The following RANBP2 variants were observed in gnomAD, a reference collection of about 807,000 sequenced individuals.
RANBP2 encodes the protein RAN binding protein 2, also known as E3 SUMO-protein ligase RanBP2.
A neutral mutation model predicts 303.6 loss-of-function variants in RANBP2; 57 were observed. The observed-to-expected ratio is 0.19, with a 90% confidence interval of 0.15 to 0.23. The LOEUF (loss-of-function observed/expected upper bound fraction) is 0.23, where lower values mean the gene tolerates loss of function less well. Among genes scored for constraint, RANBP2 ranks in the 10% least tolerant of loss-of-function variants. The probability of loss-of-function intolerance (pLI) is 1.00; values close to 1 mark genes in which losing one functional copy is unlikely to be tolerated. For missense variants in RANBP2, 3,138 were observed against 3,780.8 expected (o/e 0.83, Z 4.46); for synonymous variants, 1,167 against 1,301.5 (o/e 0.90, Z 2.23).
At chr2:109,673,459 A>G in the RANBP2 span, among the ~76,000 whole-genome samples, 1 of 152,224 alleles carries the variant, frequency 6.6e-6, no homozygotes, top group African/African-American at 2.4e-5. Flanking sequence ...AGCTGTAAAC[A>G]GACAGGTCCC....
the RANBP2 span, among the ~76,000 whole-genome samples, chr2:109,684,743 CA>C: frequency 6.6e-6 from 1 of 151,434 alleles, no homozygotes; most frequent in Non-Finnish European, 1.5e-5. Flanking sequence ...CCATGTTGGC[CA>C]GGCTGGACTT....
the RANBP2 span, among the ~76,000 whole-genome samples, chr2:109,204,295 C>T: frequency 1.6e-3 from 245 of 152,298 alleles, 2 homozygotes; most frequent in African/African-American, 5.6e-3. Flanking sequence ...TAGCAGACAC[C>T]TCTGCAGAAT....
At chr2:109,123,310 TTTTC>T in the RANBP2 span, among the ~76,000 whole-genome samples, 45 of 144,484 alleles carry the variant, frequency 3.1e-4, no homozygotes, top group Non-Finnish European at 4.9e-4. Flanking sequence ...TCACTGTGGC[TTTTC>T]TTTCTTTCCT....
Position 108,767,067 on chromosome 2 carries a change from A to G in RANBP2, c.6528A>G (p.Gly2176=). 2.5e-6 allele frequency: 4 copies of G among 1,610,836 alleles called. No individual in the cohort carries two copies. Among genetic ancestry groups the G allele is most frequent in the Non-Finnish European group, 3.4e-6 (4 of 1,179,166 alleles). The change falls in exon 20 of 29, where the codon GGA becomes GGG. Residue 2176 remains glycine, a synonymous_variant. Coordinates refer to ENST00000283195, the MANE Select transcript of RANBP2 (RefSeq NM_006267.5). The part of the protein sequence containing the change: ...LIQRAEEMKS[G]LKDFKTFLTN... ...AGAGAGCTGAAGAAATGAAGAGTGG[A>G]CTGAAAGATTTCAAAACATTTTTGA...
the RANBP2 span, chr2:109,399,083 T>G: frequency 9.7e-7 from 1 of 1,031,086 alleles, no homozygotes; most frequent in South Asian, 1.6e-5. Flanking sequence ...GGGTTTGCCC[T>G]TTGCTGCCTG....
At chr2:109,545,182 G>C in the RANBP2 span, 1 of 985,226 alleles carries the variant, frequency 1.0e-6, no homozygotes. Flanking sequence ...GAGGTAGCTA[G>C]AGTAAACTGA....
At chr2:109,545,655 A>G in the RANBP2 span, 3 of 1,491,788 alleles carry the variant, frequency 2.0e-6, no homozygotes, top group Non-Finnish European at 2.7e-6. Context: ...TTCCCCAACA[A>G]AGGGCACAGC....
chr2:109,320,742 C>A, the RANBP2 span, among the ~76,000 whole-genome samples: 3 of 152,204 alleles, frequency 2.0e-5, no homozygotes, highest in Admixed American at 2.0e-4. Flanking sequence ...TAAACAACGT[C>A]AGGCAGATGA....
At chr2:108,872,216 C>T in the RANBP2 span, among the ~76,000 whole-genome samples, 241 of 152,002 alleles carry the variant, frequency 1.6e-3, no homozygotes, top group Admixed American at 4.0e-3. Flanking sequence ...ATTTTCTCTT[C>T]TTCCCTCCTT....
chr2:109,169,018 C>T, the RANBP2 span, among the ~76,000 whole-genome samples: 3 of 152,178 alleles, frequency 2.0e-5, no homozygotes, highest in Non-Finnish European at 2.9e-5. Context: ...GTTTGCCTAA[C>T]AGGACTCTCC....
At chr2:109,090,359 C>T in the RANBP2 span, among the ~76,000 whole-genome samples, 2 of 150,500 alleles carry the variant, frequency 1.3e-5, no homozygotes, top group Non-Finnish European at 3.0e-5. Context: ...CACACACACA[C>T]CACGTCTATG....
the RANBP2 span, among the ~76,000 whole-genome samples, chr2:109,068,404 A>G: frequency 3.9e-5 from 6 of 152,218 alleles, no homozygotes; most frequent in African/African-American, 1.4e-4. Flanking sequence ...ACCCGCATCC[A>G]GACTGTAAGC....
At chr2:109,423,758 C>T in the RANBP2 span, among the ~76,000 whole-genome samples, 1 of 152,120 alleles carries the variant, frequency 6.6e-6, no homozygotes, top group Non-Finnish European at 1.5e-5. Context: ...CCAGGCATGG[C>T]GGCACCGTCC....
In RANBP2 at chr2:108,765,070, C is replaced by T; in HGVS notation, c.4531C>T (p.Pro1511Ser). 1.9e-6 allele frequency: 3 copies of T among 1,613,554 alleles called. No homozygotes were observed. Among genetic ancestry groups the T allele is most frequent in the Non-Finnish European group, 2.5e-6 (3 of 1,179,900 alleles). ...ACQNPRKQSL[P>S]ATSIPTPASF... The stretch of plus-strand genomic sequence containing the variant: ...TCAGAATCCGAGAAAACAGAGTCTA[C>T]CTGCTACTTCTATTCCAACACCTGC... Residue 1511 changes from proline to serine, a missense_variant, in exon 20 of 29, where the codon CCT (proline) becomes TCT (serine). Pro to Ser is a moderately conservative substitution (Grantham distance 74). Transcript: ENST00000283195.
chr2:108,860,136 T>C, the RANBP2 span, among the ~76,000 whole-genome samples: 1 of 152,136 alleles, frequency 6.6e-6, no homozygotes. Flanking sequence ...GCTTCTGATT[T>C]TTTTTTTTCT....
chr2:109,528,287 C>T, the RANBP2 span, among the ~76,000 whole-genome samples: 4 of 152,248 alleles, frequency 2.6e-5, no homozygotes, highest in African/African-American at 7.2e-5. Flanking sequence ...GACCACCCCA[C>T]AGGCCCCAGC....
At chr2:109,507,912 C>A in the RANBP2 span, among the ~76,000 whole-genome samples, 5 of 152,184 alleles carry the variant, frequency 3.3e-5, no homozygotes, top group African/African-American at 9.7e-5. Flanking sequence ...TGTGTACAAT[C>A]GTCCCACGTG....
the RANBP2 span, among the ~76,000 whole-genome samples, chr2:109,261,771 A>G: frequency 6.6e-6 from 1 of 152,080 alleles, no homozygotes; most frequent in Non-Finnish European, 1.5e-5. Flanking sequence ...TTTGTCATGG[A>G]TTTATACAGT....
chr2:108,892,690 C>T, the RANBP2 span, among the ~76,000 whole-genome samples: 1 of 152,156 alleles, frequency 6.6e-6, no homozygotes, highest in East Asian at 1.9e-4. Flanking sequence ...CTCTCATGGC[C>T]AGGATTACAT....
Sources: gnomAD v4.1 joint callset for allele counts (sites outside exome capture counted in the v4.1 genomes callset) on GRCh38, gnomAD v4.1.1 for gene constraint, MANE v1.5 for transcripts, NCBI Gene and HGNC (gene_info 2026-07-23, HGNC 2026-07-21) for gene names.